RGS8: variants seen among roughly 807,000 people sequenced by gnomAD.
RGS8 encodes the protein regulator of G protein signaling 8, also known as regulator of G-protein signaling 8.
In RGS8, 8 loss-of-function variants were observed where a neutral mutation model predicts 21.7. The observed-to-expected ratio is 0.37, with a 90% CI of 0.22 to 0.66. The LOEUF is 0.66. Ranked by LOEUF, RGS8 falls within the 30% of genes least tolerant of loss-of-function variation. The pLI is 0.59. For missense variants in RGS8, 157 were observed against 217.9 expected (o/e 0.72, Z 1.76); for synonymous variants, 80 against 83.6 (o/e 0.96, Z 0.24).
chr1:182,647,265 A>T (rs1399939722), intron 6 of RGS8, among the ~76,000 whole-genome samples: 1 of 152,232 alleles, frequency 6.6e-6, no homozygotes, highest in African/African-American at 2.4e-5. Flanking sequence ...AAAGGGATAG[A>T]TCCAAGCCAG....
the RGS8 span, among the ~76,000 whole-genome samples, chr1:182,705,028 C>T: frequency 6.6e-6 from 1 of 152,138 alleles, no homozygotes; most frequent in Non-Finnish European, 1.5e-5. Flanking sequence ...TTATGTGAAA[C>T]AACATATCAT....
the RGS8 span, among the ~76,000 whole-genome samples, chr1:182,727,666 A>G: frequency 2.7e-3 from 405 of 152,126 alleles, 3 homozygotes; most frequent in African/African-American, 9.4e-3. Context: ...TATGTCATCT[A>G]TTCTGTATTT....
At chr1:182,734,953 T>A in the RGS8 span, among the ~76,000 whole-genome samples, 1 of 152,244 alleles carries the variant, frequency 6.6e-6, no homozygotes, top group East Asian at 1.9e-4. Context: ...TATCATATAT[T>A]TTAGCACAAT....
At chr1:182,698,854 C>T in the RGS8 span, among the ~76,000 whole-genome samples, 7 of 152,196 alleles carry the variant, frequency 4.6e-5, no homozygotes, top group Admixed American at 1.3e-4. Flanking sequence ...ACAGAATTCA[C>T]TGCATAAATT....
intron 5 of RGS8, among the ~76,000 whole-genome samples, chr1:182,655,618 A>G (rs1257228459): frequency 6.6e-6 from 1 of 152,206 alleles, no homozygotes; most frequent in African/African-American, 2.4e-5. Context: ...CAGCCCTATC[A>G]TTAACTGTGT....
At chr1:182,726,224 G>A in the RGS8 span, among the ~76,000 whole-genome samples, 1 of 151,116 alleles carries the variant, frequency 6.6e-6, no homozygotes, top group Non-Finnish European at 1.5e-5. Flanking sequence ...AAACTTCCAT[G>A]TTTTAAAGAA....
chr1:182,705,778 T>C, the RGS8 span, among the ~76,000 whole-genome samples: 1 of 152,176 alleles, frequency 6.6e-6, no homozygotes, highest in South Asian at 2.1e-4. Flanking sequence ...TCATGGATTT[T>C]ACATCTCCAG....
chr1:182,678,590 A>T (rs1182694785), intron 1 of RGS8, among the ~76,000 whole-genome samples: 1 of 152,172 alleles, frequency 6.6e-6, no homozygotes, highest in African/African-American at 2.4e-5. Flanking sequence ...GAGTTCCTGG[A>T]TGGAATCCAG....
intron 5 of RGS8, among the ~76,000 whole-genome samples, chr1:182,651,916 G>A (rs1663037906): frequency 6.6e-6 from 1 of 152,224 alleles, no homozygotes; most frequent in Non-Finnish European, 1.5e-5. Flanking sequence ...TAGCAAGGGG[G>A]GGACTCTGAG....
the RGS8 span, among the ~76,000 whole-genome samples, chr1:182,691,228 T>A: frequency 2.0e-5 from 3 of 152,246 alleles, no homozygotes; most frequent in Admixed American, 1.3e-4. Context: ...AGTTTTAGGA[T>A]GTTTTGTTAC....
chr1:182,701,482 G>A, the RGS8 span, among the ~76,000 whole-genome samples: 1 of 152,216 alleles, frequency 6.6e-6, no homozygotes, highest in Non-Finnish European at 1.5e-5. Flanking sequence ...GCTTTCCTTT[G>A]AGACAAATGT....
the RGS8 span, among the ~76,000 whole-genome samples, chr1:182,727,925 C>T: frequency 6.6e-6 from 1 of 152,150 alleles, no homozygotes; most frequent in African/African-American, 2.4e-5. Context: ...TTGACTGACA[C>T]ATTTAACTGA....
chr1:182,668,280 C>T (rs1284035104), intron 3 of RGS8, among the ~76,000 whole-genome samples: 2 of 152,190 alleles, frequency 1.3e-5, no homozygotes, highest in East Asian at 3.8e-4. Context: ...ATAATCAAAT[C>T]AGGACTTAAG....
intron 5 of RGS8, among the ~76,000 whole-genome samples, chr1:182,653,953 A>T (rs757432918): frequency 6.6e-6 from 1 of 152,174 alleles, no homozygotes; most frequent in African/African-American, 2.4e-5. Flanking sequence ...GCGCCTAGGA[A>T]AGGTAGGGTG....
At chr1:182,644,197 G>A (rs1307215969), downstream of RGS8, 1 of 152,186 alleles carries the variant, frequency 6.6e-6, no homozygotes, top group Non-Finnish European at 1.5e-5. Context: ...GGGTTGGCAC[G>A]ACCAGAGTGC....
chr1:182,697,038 AG>A, the RGS8 span, among the ~76,000 whole-genome samples: 3 of 152,238 alleles, frequency 2.0e-5, no homozygotes, highest in African/African-American at 7.2e-5. Context: ...GAGAAACAGC[AG>A]AAGTGCAAAG....
the RGS8 span, among the ~76,000 whole-genome samples, chr1:182,719,075 C>T: frequency 2.0e-5 from 3 of 152,262 alleles, no homozygotes; most frequent in South Asian, 2.1e-4. Flanking sequence ...CATGTTTCCC[C>T]GGTTTCTTTC....
At chr1:182,747,211 A>G in the RGS8 span, among the ~76,000 whole-genome samples, 2 of 151,266 alleles carry the variant, frequency 1.3e-5, no homozygotes, top group African/African-American at 4.9e-5. Context: ...TGCATCTTCT[A>G]TCTTTAGACA....
At chr1:182,678,842 C>T (rs1014884557) in intron 1 of RGS8, among the ~76,000 whole-genome samples, 5 of 152,112 alleles carry the variant, frequency 3.3e-5, no homozygotes, top group African/African-American at 1.2e-4. Flanking sequence ...AGAGAGAGAG[C>T]TTATGCAACA....
Sources: gnomAD v4.1 joint callset for allele counts (sites outside exome capture counted in the v4.1 genomes callset) on GRCh38, gnomAD v4.1.1 for gene constraint, MANE v1.5 for transcripts, NCBI Gene and HGNC (gene_info 2026-07-23, HGNC 2026-07-21) for gene names.